The following CSMD1 variants were observed in gnomAD, a reference collection of about 807,000 sequenced individuals.
The protein encoded by CSMD1 is CUB and sushi domain-containing protein 1.
In CSMD1, 213 loss-of-function variants were observed where a neutral mutation model predicts 417.5. That is an observed-to-expected ratio of 0.51 (90% CI 0.46 to 0.57). The LOEUF is 0.57. CSMD1 is among the 20% of genes least tolerant of loss of function. The probability of loss-of-function intolerance (pLI) is 0.00; values close to 1 mark genes in which losing one functional copy is unlikely to be tolerated. For synonymous variants in CSMD1, 2,862 were observed against 1,736.8 expected (o/e 1.65, Z -16.11); for missense variants, 6,923 against 4,529.7 (o/e 1.53, Z -15.17).
chr8:4,314,322 A>T (rs1010996705), intron 3 of CSMD1, among the ~76,000 whole-genome samples: 2 of 152,336 alleles, frequency 1.3e-5, no homozygotes, highest in Admixed American at 1.3e-4. Context: ...TACATTCACT[A>T]GCCCAACAGC....
At chr8:2,993,992 A>G (rs981237330) in intron 54 of CSMD1, among the ~76,000 whole-genome samples, 6 of 151,346 alleles carry the variant, frequency 4.0e-5, no homozygotes, top group African/African-American at 1.2e-4. Context: ...AAAAAAAAAA[A>G]AAAGAAAAAA....
chr8:3,775,085 G>A (rs1341482945), intron 5 of CSMD1, among the ~76,000 whole-genome samples: 10 of 152,134 alleles, frequency 6.6e-5, no homozygotes, highest in Non-Finnish European at 1.5e-4. Context: ...GTTTGTTTCT[G>A]GAATTTTCTA....
At chr8:4,311,631 G>C (rs1481601368) in intron 3 of CSMD1, among the ~76,000 whole-genome samples, 1 of 150,100 alleles carries the variant, frequency 6.7e-6, no homozygotes, top group Non-Finnish European at 1.5e-5. Flanking sequence ...GCTTAGACAG[G>C]AGAATTGCTT....
intron 2 of CSMD1, among the ~76,000 whole-genome samples, chr8:4,464,842 C>A (rs1162648871): frequency 6.6e-6 from 1 of 152,068 alleles, no homozygotes; most frequent in Non-Finnish European, 1.5e-5. Context: ...TATCTATGAT[C>A]CCAATTTACC....
chr8:2,941,533 A>C (rs949492894), intron 69 of CSMD1, among the ~76,000 whole-genome samples: 2 of 152,220 alleles, frequency 1.3e-5, no homozygotes, highest in African/African-American at 4.8e-5. Flanking sequence ...GTAATGTATT[A>C]TCCATATATG....
chr8:3,311,226 A>G (rs1013279642), intron 23 of CSMD1, among the ~76,000 whole-genome samples: 1 of 152,124 alleles, frequency 6.6e-6, no homozygotes, highest in African/African-American at 2.4e-5. Flanking sequence ...TGTTGACATG[A>G]GATAGTCCTC....
chr8:4,437,019 C>T (rs898692224), intron 2 of CSMD1, among the ~76,000 whole-genome samples: 2 of 152,148 alleles, frequency 1.3e-5, no homozygotes, highest in African/African-American at 2.4e-5. Context: ...TTCTCTCTAT[C>T]CCTGAGATTG....
intron 23 of CSMD1, among the ~76,000 whole-genome samples, chr8:3,342,929 A>T (rs1400701662): frequency 2.6e-5 from 4 of 150,954 alleles, no homozygotes; most frequent in African/African-American, 4.9e-5. Flanking sequence ...TTCAAAGTCT[A>T]TTACCTCCGG....
intron 26 of CSMD1, among the ~76,000 whole-genome samples, chr8:3,252,458 C>G (rs1800342001): frequency 6.6e-6 from 1 of 152,100 alleles, no homozygotes; most frequent in African/African-American, 2.4e-5. Context: ...GTTGGATTCA[C>G]TTTGCCAGTA....
intron 2 of CSMD1, among the ~76,000 whole-genome samples, chr8:4,554,893 G>A (rs1262771361): frequency 1.3e-5 from 2 of 152,098 alleles, no homozygotes; most frequent in Admixed American, 1.3e-4. Flanking sequence ...TGGTGATGAT[G>A]GTGTTCATGG....
chr8:3,677,528 G>A (rs1299963072), intron 7 of CSMD1, among the ~76,000 whole-genome samples: 2 of 152,108 alleles, frequency 1.3e-5, no homozygotes, highest in Non-Finnish European at 2.9e-5. Flanking sequence ...GTGTCCCCAG[G>A]GTGGCTGGGC....
At chr8:3,281,557 T>G (rs532714974) in intron 26 of CSMD1, among the ~76,000 whole-genome samples, 1 of 152,312 alleles carries the variant, frequency 6.6e-6, no homozygotes, top group African/African-American at 2.4e-5. Context: ...GAAAGTGTCT[T>G]ACTAAGTGAA....
At chr8:4,536,895 C>G (rs141347476) in intron 2 of CSMD1, among the ~76,000 whole-genome samples, 5 of 152,220 alleles carry the variant, frequency 3.3e-5, no homozygotes, top group East Asian at 1.9e-4. Flanking sequence ...TCTCCAGACT[C>G]TCAGGGAGAA....
intron 25 of CSMD1, among the ~76,000 whole-genome samples, chr8:3,293,951 G>A (rs1364286314): frequency 6.6e-6 from 1 of 152,140 alleles, no homozygotes; most frequent in East Asian, 1.9e-4. Context: ...CCCCATCTTT[G>A]TGGTTTTATC....
chr8:3,949,634 G>A (rs138566483), intron 5 of CSMD1, among the ~76,000 whole-genome samples: 1 of 152,168 alleles, frequency 6.6e-6, no homozygotes, highest in Non-Finnish European at 1.5e-5. Flanking sequence ...GATGATTTTA[G>A]GTACAAGATT....
chr8:3,846,451 A>C (rs532659443), intron 5 of CSMD1, among the ~76,000 whole-genome samples: 2 of 152,324 alleles, frequency 1.3e-5, no homozygotes, highest in South Asian at 2.1e-4. Flanking sequence ...GATGACAGTT[A>C]CTCAAAATAA....
intron 25 of CSMD1, among the ~76,000 whole-genome samples, chr8:3,302,965 G>T (rs1299903196): frequency 6.6e-6 from 1 of 152,202 alleles, no homozygotes; most frequent in Non-Finnish European, 1.5e-5. Flanking sequence ...ACCAGCAACT[G>T]CTCCCAGAGC....
At chr8:3,570,058 G>C (rs569705548) in intron 10 of CSMD1, among the ~76,000 whole-genome samples, 1 of 152,168 alleles carries the variant, frequency 6.6e-6, no homozygotes, top group African/African-American at 2.4e-5. Flanking sequence ...TCTAAAAGGA[G>C]AGAAGAGAAT....
intron 25 of CSMD1, among the ~76,000 whole-genome samples, chr8:3,286,353 G>C (rs1291599253): frequency 6.6e-6 from 1 of 152,068 alleles, no homozygotes. Context: ...GTAATGGGAT[G>C]GCTGGGTCAA....
Sources: gnomAD v4.1 joint callset for allele counts (sites outside exome capture counted in the v4.1 genomes callset) on GRCh38, gnomAD v4.1.1 for gene constraint, MANE v1.5 for transcripts, NCBI Gene and HGNC (gene_info 2026-07-23, HGNC 2026-07-21) for gene names.